The following COL27A1 variants were observed in gnomAD, a reference collection of about 807,000 sequenced individuals.
COL27A1 encodes the protein collagen alpha-1(XXVII) chain.
COL27A1 carries 106 observed loss-of-function variants against 251.3 expected under a neutral mutation model. The ratio of observed to expected loss-of-function variants is 0.42; its 90% confidence interval spans 0.36 to 0.50. The LOEUF (loss-of-function observed/expected upper bound fraction) is 0.50, where lower values mean the gene tolerates loss of function less well. Among genes scored for constraint, COL27A1 ranks in the 20% least tolerant of loss-of-function variants. COL27A1 has a pLI of 0.00. For missense variants in COL27A1, 2,325 were observed against 2,522.8 expected (o/e 0.92, Z 1.68); for synonymous variants, 1,000 against 986.3 (o/e 1.01, Z -0.26).
intron 15 of COL27A1, 148 bp from the exon 16 acceptor site, chr9:114,231,674 T>C (rs933833435): frequency 1.3e-6 from 1 of 771,576 alleles, no homozygotes; most frequent in African/African-American, 1.7e-5. Flanking sequence ...CCCTGTGAGA[T>C]TGGAGTCATT....
chr9:114,243,349 G>A (rs954344388), intron 22 of COL27A1, among the ~76,000 whole-genome samples, 158 bp from the exon 23 acceptor site: 2 of 152,220 alleles, frequency 1.3e-5, no homozygotes, highest in African/African-American at 4.8e-5. Flanking sequence ...TTCCAGGACA[G>A]CTGGCCACCT....
chr9:114,217,877 G>A, intron 12 of COL27A1: 1 of 465,032 alleles, frequency 2.2e-6, no homozygotes. Flanking sequence ...ACTTTGGGAG[G>A]CCAAGGCAGG....
intron 5 of COL27A1, among the ~76,000 whole-genome samples, chr9:114,183,701 C>T (rs1440262684): frequency 6.6e-6 from 1 of 152,090 alleles, no homozygotes; most frequent in East Asian, 1.9e-4. Context: ...ATGTTGCACG[C>T]AGGAACATGT....
At chr9:114,180,004 A>G (rs1353523861) in intron 4 of COL27A1, among the ~76,000 whole-genome samples, 3 of 151,544 alleles carry the variant, frequency 2.0e-5, no homozygotes, top group Admixed American at 2.0e-4. Context: ...GGGCCCAGCT[A>G]TTTTTTCGTA....
chr9:114,248,456 C>T (rs1833295458), intron 24 of COL27A1, among the ~76,000 whole-genome samples: 1 of 152,234 alleles, frequency 6.6e-6, no homozygotes, highest in Non-Finnish European at 1.5e-5. Flanking sequence ...CCAGGCTAGC[C>T]TCCTCCCCAA....
intron 12 of COL27A1, among the ~76,000 whole-genome samples, chr9:114,214,968 T>C (rs1830624140): frequency 6.6e-6 from 1 of 152,240 alleles, no homozygotes; most frequent in Admixed American, 6.5e-5. Context: ...GATGCTGCAG[T>C]GAGTCCTTCT....
chr9:114,174,906 C>T (rs1174978003), intron 3 of COL27A1, among the ~76,000 whole-genome samples: 1 of 152,164 alleles, frequency 6.6e-6, no homozygotes, highest in East Asian at 1.9e-4. Context: ...CCCCTATCTA[C>T]CCCCAACAGG....
chr9:114,176,344 G>A (rs959840063), intron 3 of COL27A1, among the ~76,000 whole-genome samples: 1 of 152,290 alleles, frequency 6.6e-6, no homozygotes, highest in East Asian at 1.9e-4. Flanking sequence ...AGTTGAGGAC[G>A]TTCCAGAAGC....
At chr9:114,252,530 C>T in intron 25 of COL27A1, 63 bp from the exon 26 acceptor site, 2 of 1,443,240 alleles carry the variant, frequency 1.4e-6, no homozygotes, top group South Asian at 1.1e-5. Context: ...TCTGCACCTG[C>T]CTCCCACAGA....
rs1340212832 is a variant in COL27A1, at chr9:114,240,235, A to G, written c.2743A>G (p.Ile915Val). Reference sequence around the variant, plus strand: ...TTCCCCTCAGGGATTCCCAGGAGACATCGGCCCCCCTGGCGACAATGGCCC... The same window carrying G: ...TTCCCCTCAGGGATTCCCAGGAGACGTCGGCCCCCCTGGCGACAATGGCCC... Reference protein sequence around the residue: ...PPGPEGFPGDIGPPGDNGPEG... With the variant: ...PPGPEGFPGDVGPPGDNGPEG... The change falls in exon 20 of 61, where the codon ATC becomes GTC. Residue 915 changes from isoleucine to valine, a missense_variant. Transcript: ENST00000356083. The G allele has an allele frequency of 6.2e-7, 1 of 1,610,894 alleles. No homozygotes were observed. The highest frequency in any genetic ancestry group is 8.5e-7 in the Non-Finnish European group (1 of 1,178,326).
chr9:114,310,711 C>A lies in COL27A1; in HGVS notation c.*16C>A. 2 of 1,613,446 alleles carry A rather than the reference C, an allele frequency of 1.2e-6. No individual in the cohort carries two copies. The highest frequency in any genetic ancestry group is 1.7e-6 in the Non-Finnish European group (2 of 1,179,588). On this transcript the variant is annotated 3_prime_UTR_variant, in exon 61 of 61. Coordinates refer to ENST00000356083, the MANE Select transcript of COL27A1 (RefSeq NM_032888.4). ...CTTCCTCTGACCTCTGACCTCGTGGCCACTCTAGGCCTCACGGAGGAGGGA... is the reference window on the plus strand; with the variant it reads ...CTTCCTCTGACCTCTGACCTCGTGGACACTCTAGGCCTCACGGAGGAGGGA...
At chr9:114,301,821 G>T in intron 55 of COL27A1, 104 bp downstream of exon 55, 1 of 1,181,142 alleles carries the variant, frequency 8.5e-7, no homozygotes, top group Non-Finnish European at 1.2e-6. Flanking sequence ...AACCCCACAG[G>T]GGTTCTTGTA....
At position 114,237,706 on chromosome 9, in the gene COL27A1, T is replaced by A; in HGVS notation, c.2718T>A (p.Pro906=). The change falls in exon 19 of 61, where the codon CCT becomes CCA. Residue 906 remains proline, a synonymous_variant. Coordinates refer to ENST00000356083, the MANE Select transcript of COL27A1 (RefSeq NM_032888.4). ...GATCCATTGGGTTTCCCGGGCCCCC[T>A]GGACCCGAGGTATGTGATGCCCCAT... The part of the protein sequence containing the change: ...DKGSIGFPGP[P]GPEGFPGDIG... 1.9e-6 allele frequency: 3 copies of A among 1,613,868 alleles called. No homozygotes were observed. Among genetic ancestry groups the A allele is most frequent in the Non-Finnish European group, 2.5e-6 (3 of 1,179,732 alleles).
At chr9:114,193,007 GTGTGTGTGCACGTGTA>G (rs1300195242) in intron 5 of COL27A1, among the ~76,000 whole-genome samples, 1 of 150,732 alleles carries the variant, frequency 6.6e-6, no homozygotes, top group Non-Finnish European at 1.5e-5. Flanking sequence ...GTGTGTTTGT[GTGTGTGTGCACGTGTA>G]TGTGTGTGCG....
At position 114,240,228 on chromosome 9, in the gene COL27A1, AG is replaced by A. The variant is rs774135454; in HGVS notation, c.2738del (p.Gly913GlufsTer14). On this transcript the variant is annotated frameshift_variant, in exon 20 of 61. Coordinates refer to ENST00000356083, the MANE Select transcript of COL27A1 (RefSeq NM_032888.4). LOFTEE classifies it high-confidence loss of function. ...TCTCTGCTTCCCCTCAGGGATTCCC[AG>A]GAGACATCGGCCCCCCTGGCGACAA... ...PGPPGPEGFPGDIGPPGDNGP... is the reference protein window; with the variant it reads ...PGPPGPEGFPXDIGPPGDNGP... The A allele has an allele frequency of 6.2e-7, 1 of 1,611,892 alleles. No individual in the cohort carries two copies. The highest frequency in any genetic ancestry group is 8.5e-7 in the Non-Finnish European group (1 of 1,178,934).
chr9:114,205,966 G>A (rs893917859), intron 9 of COL27A1, among the ~76,000 whole-genome samples, 154 bp downstream of exon 9: 3 of 152,278 alleles, frequency 2.0e-5, no homozygotes, highest in African/African-American at 7.2e-5. Context: ...ACTGGACCAA[G>A]GAAGCCTGTC....
rs1029942382 is a variant in COL27A1, at chr9:114,252,935, A to G, written c.3141+3A>G. 8 of 1,611,788 alleles carry G rather than the reference A, an allele frequency of 5.0e-6. No individual in the cohort carries two copies. The highest frequency in any genetic ancestry group is 6.8e-6 in the Non-Finnish European group (8 of 1,178,484). On this transcript the variant is annotated splice_donor_region_variant and intron_variant, in intron 27 of 60. Transcript: ENST00000356083. ...CCCCTGGAGAGCCTGGACCCCAGGTAAGCAAAGCCCTCGTGATCCCTAAGC... is the reference window on the plus strand; with the variant it reads ...CCCCTGGAGAGCCTGGACCCCAGGTGAGCAAAGCCCTCGTGATCCCTAAGC...
chr9:114,198,637 C>T (rs1262149879), intron 7 of COL27A1, among the ~76,000 whole-genome samples: 3 of 152,184 alleles, frequency 2.0e-5, no homozygotes, highest in Admixed American at 2.0e-4. Flanking sequence ...TTTCTGTCAC[C>T]ACAAGGCTGA....
At chr9:114,281,576 A>G (rs1375501660) in intron 37 of COL27A1, among the ~76,000 whole-genome samples, 1 of 152,250 alleles carries the variant, frequency 6.6e-6, no homozygotes, top group Non-Finnish European at 1.5e-5. Context: ...CCTCCAGCCC[A>G]GTCCCTGAGA....
Sources: allele counts gnomAD v4.1 joint callset (sites outside exome capture counted in the v4.1 genomes callset), GRCh38; gene constraint gnomAD v4.1.1; transcripts MANE v1.5; gene names NCBI Gene and HGNC (gene_info 2026-07-23, HGNC 2026-07-21).